RASA1: variants seen among roughly 807,000 people sequenced by gnomAD.
RASA1 encodes the protein ras GTPase-activating protein 1.
RASA1 carries 25 observed loss-of-function variants against 132.2 expected under a neutral mutation model. The observed-to-expected ratio is 0.19, with a 90% CI of 0.14 to 0.26. The LOEUF is 0.26. RASA1 is among the 10% of genes least tolerant of loss of function. RASA1 has a pLI of 1.00. For synonymous variants in RASA1, 477 were observed against 449.9 expected (o/e 1.06, Z -0.76); for missense variants, 964 against 1,299.2 (o/e 0.74, Z 3.97).
intron 6 of RASA1, among the ~76,000 whole-genome samples, chr5:87,343,213 A>T (rs1410771027): frequency 6.6e-6 from 1 of 152,168 alleles, no homozygotes; most frequent in East Asian, 1.9e-4. Flanking sequence ...TATTTACATG[A>T]TATGGGCACC....
chr5:87,324,499 G>C (rs1757070486), intron 1 of RASA1, among the ~76,000 whole-genome samples: 1 of 152,330 alleles, frequency 6.6e-6, no homozygotes, highest in Non-Finnish European at 1.5e-5. Flanking sequence ...GGTGGACAGA[G>C]TGTATGATAG....
chr5:87,302,372 T>C (rs957306308), intron 1 of RASA1, among the ~76,000 whole-genome samples: 1 of 152,004 alleles, frequency 6.6e-6, no homozygotes, highest in African/African-American at 2.4e-5. Context: ...ATAGTTCAAG[T>C]CTTCAAGTCT....
intron 1 of RASA1, among the ~76,000 whole-genome samples, chr5:87,327,030 C>T (rs1452930130): frequency 6.6e-6 from 1 of 152,144 alleles, no homozygotes; most frequent in Non-Finnish European, 1.5e-5. Context: ...ATTAATCAGT[C>T]CCATATCCTT....
intron 17 of RASA1, chr5:87,377,294 A>G: frequency 2.0e-6 from 1 of 497,460 alleles, no homozygotes; most frequent in Non-Finnish European, 3.6e-6. Flanking sequence ...CTGTGTCTAC[A>G]TCAATGGCTT....
At chr5:87,337,794 AT>A (rs1168580543) in intron 4 of RASA1, among the ~76,000 whole-genome samples, 179 bp from the exon 5 acceptor site, 2 of 152,058 alleles carry the variant, frequency 1.3e-5, no homozygotes, top group African/African-American at 4.8e-5. Flanking sequence ...ATTATTTATT[AT>A]TTTCAGGAAT....
At chr5:87,379,969 T>C (rs1236029523) in intron 19 of RASA1, 119 bp downstream of exon 19, 3 of 1,056,674 alleles carry the variant, frequency 2.8e-6, no homozygotes, top group South Asian at 3.0e-5. Flanking sequence ...GAAAAAGTCA[T>C]GGTTAATCTT....
intron 1 of RASA1, among the ~76,000 whole-genome samples, chr5:87,275,680 C>G (rs1754033097): frequency 6.6e-6 from 1 of 152,096 alleles, no homozygotes. Flanking sequence ...AAGCATTTCT[C>G]CTGTCTCAGC....
At chr5:87,321,013 G>C (rs886498664) in intron 1 of RASA1, among the ~76,000 whole-genome samples, 2 of 152,198 alleles carry the variant, frequency 1.3e-5, no homozygotes, top group African/African-American at 2.4e-5. Flanking sequence ...TGAGCTATTA[G>C]AGTGAAATGA....
intron 1 of RASA1, among the ~76,000 whole-genome samples, chr5:87,298,266 G>A (rs540967971): frequency 2.0e-5 from 3 of 151,920 alleles, no homozygotes; most frequent in Middle Eastern, 6.8e-3. Flanking sequence ...AAAATTAGCC[G>A]GGCATGGTGG....
At chr5:87,286,347 G>A (rs1009323235) in intron 1 of RASA1, among the ~76,000 whole-genome samples, 14 of 151,740 alleles carry the variant, frequency 9.2e-5, no homozygotes, top group African/African-American at 3.4e-4. Flanking sequence ...AGAGTGGTCT[G>A]TTACTTTTTT....
In RASA1 at chr5:87,346,595, ATTGG is replaced by A. The variant is rs1206419207; in HGVS notation, c.1050-73_1050-70del. 4.7e-6 allele frequency: 4 copies of A among 857,240 alleles called. No homozygotes were observed. In the African/African-American group the frequency reaches 6.9e-5, roughly 15 times the overall value. 53.1% of individuals were successfully genotyped at this position (857,240 alleles called of 1,614,324 possible). On this transcript the variant is annotated intron_variant, in intron 6 of 24. Coordinates refer to ENST00000274376, the MANE Select transcript of RASA1 (RefSeq NM_002890.3). ...TATCACTTTGAATTAAACTTACTATATTGGTTGTTTAATTTTGATCATATGATAA... is the reference window on the plus strand; with the variant it reads ...TATCACTTTGAATTAAACTTACTATATTGTTTAATTTTGATCATATGATAA...
rs936047447 is a variant in RASA1 at position 87,271,990 on chromosome 5, TA to T, written c.539+3012del. ...CAACACGGTGAAACCCCGTCTCTACTAAAAAAAAAAAATCAGCCGGTCGTGT... is the reference window on the plus strand; with the variant it reads ...CAACACGGTGAAACCCCGTCTCTACTAAAAAAAAAAATCAGCCGGTCGTGT... On this transcript the variant is annotated intron_variant, in intron 1 of 24. Coordinates refer to ENST00000274376, the MANE Select transcript of RASA1 (RefSeq NM_002890.3). Among the ~76,000 whole-genome samples, 451 of 142,758 alleles carry T rather than the reference TA, an allele frequency of 3.2e-3. 1 individual carries two copies. The highest frequency in any genetic ancestry group is 7.4e-3 in the Middle Eastern group (2 of 270). 93.7% of individuals were successfully genotyped at this position (142,758 alleles called of 152,430 possible).
At chr5:87,282,562 A>T (rs1754364103) in intron 1 of RASA1, among the ~76,000 whole-genome samples, 1 of 152,140 alleles carries the variant, frequency 6.6e-6, no homozygotes, top group Non-Finnish European at 1.5e-5. Context: ...TTGAGATTTG[A>T]TCACTTCCTG....
chr5:87,294,385 CTA>C (rs1470033100), intron 1 of RASA1: 8 of 152,190 alleles, frequency 5.3e-5, no homozygotes, highest in Admixed American at 2.6e-4. Context: ...GCATAATGTA[CTA>C]CAGTCCAGAA....
Position 87,363,502 on chromosome 5 carries a change from C to T in RASA1, c.1608C>T (p.Gly536=). Residue 536 remains glycine, a splice_region_variant and synonymous_variant, in exon 11 of 25, where the codon GGC becomes GGT. Coordinates refer to ENST00000274376, the MANE Select transcript of RASA1 (RefSeq NM_002890.3). The part of the protein sequence containing the change: ...SVYVVHDSLF[G]RPNCFQIVVQ... ...ATGTCGTTCATGATAGTCTCTTTGG[C>T]AGGTAAGAGACTGGTTTCCTATTTT... 1 of 1,610,224 alleles carries T rather than the reference C, an allele frequency of 6.2e-7. No homozygotes were observed. The highest frequency in any genetic ancestry group is 1.3e-5 in the African/African-American group (1 of 74,880).
At chr5:87,336,643 C>T (rs910662167) in intron 4 of RASA1, among the ~76,000 whole-genome samples, 12 of 151,998 alleles carry the variant, frequency 7.9e-5, no homozygotes, top group African/African-American at 2.7e-4. Context: ...GTTGGTATAG[C>T]AACAACAATG....
At chr5:87,294,925 C>T (rs1161169532) in intron 1 of RASA1, among the ~76,000 whole-genome samples, 1 of 152,168 alleles carries the variant, frequency 6.6e-6, no homozygotes, top group African/African-American at 2.4e-5. Context: ...GCTGGATCTG[C>T]CCATTCCTGA....
chr5:87,268,711 C>T lies in RASA1; in HGVS notation c.260C>T (p.Thr87Ile). 6.2e-7 allele frequency: 1 copy of T among 1,612,258 alleles called. No individual in the cohort carries two copies. Among genetic ancestry groups the T allele is most frequent in the Non-Finnish European group, 8.5e-7 (1 of 1,179,266 alleles). The change falls in exon 1 of 25, where the codon ACA (threonine) becomes ATA (isoleucine). Residue 87 changes from threonine (T) to isoleucine (I), a missense_variant. Around this residue, in one of 6 missense-constraint regions of RASA1, gnomAD observed 326 missense variants for 275.8 expected, o/e 1.18. Coordinates refer to ENST00000274376, the MANE Select transcript of RASA1 (RefSeq NM_002890.3). ...GGGGCACTGGGGGGAGCTGGACTGA[C>T]AGGGGGAGGTACTGCTGCTGGCGTA... Reference protein sequence around the residue: ...VAGALGGAGLTGGGTAAGVAG... With the variant: ...VAGALGGAGLIGGGTAAGVAG...
chr5:87,345,000 A>C (rs1758749768), intron 6 of RASA1, among the ~76,000 whole-genome samples: 1 of 151,978 alleles, frequency 6.6e-6, no homozygotes. Flanking sequence ...CACTGTGCTT[A>C]TTATAGTTTC....
Sources: allele counts gnomAD v4.1 joint callset (sites outside exome capture counted in the v4.1 genomes callset), GRCh38; gene constraint gnomAD v4.1.1; regional missense constraint gnomAD v4.1.1; transcripts MANE v1.5; gene names NCBI Gene and HGNC (gene_info 2026-07-23, HGNC 2026-07-21).